SYNE1: variants seen among roughly 807,000 people sequenced by gnomAD.
SYNE1 encodes the protein spectrin repeat containing nuclear envelope protein 1, also known as nesprin-1.
SYNE1 carries 616 observed loss-of-function variants against 1,111.0 expected under a neutral mutation model. The observed-to-expected ratio is 0.55, with a 90% CI of 0.52 to 0.59. The LOEUF (loss-of-function observed/expected upper bound fraction) is 0.59. Ranked by LOEUF, SYNE1 falls within the 20% of genes least tolerant of loss-of-function variation. SYNE1 has a pLI of 0.00. For missense variants in SYNE1, 10,006 were observed against 10,417.0 expected, an observed-to-expected ratio of 0.96 and a Z score of 1.72; for synonymous variants, 3,855 against 3,825.8, an observed-to-expected ratio of 1.01 and a Z score of -0.28.
At chr6:152,376,665 G>GTAA (rs1442274684) in intron 57 of SYNE1, 107 bp from the exon 58 acceptor site, 2 of 1,553,310 alleles carry the variant, frequency 1.3e-6, no homozygotes, top group African/African-American at 2.7e-5. Context: ...ACCTCACTTA[G>GTAA]TAATATATTT....
At chr6:152,256,535 A>T (rs2090914317) in intron 102 of SYNE1, 99 bp downstream of exon 102, 3 of 1,523,292 alleles carry the variant, frequency 2.0e-6, no homozygotes, top group African/African-American at 2.8e-5. Flanking sequence ...TCTCATGCTC[A>T]GGGGTGGATG....
Position 152,354,896 on chromosome 6 carries a change from A to G in SYNE1, c.10689T>C (p.Gly3563=), listed in dbSNP as rs769630911. The G allele has an allele frequency of 2.5e-6, 4 of 1,613,942 alleles. No homozygotes were observed. The highest frequency in any genetic ancestry group is 3.4e-6 in the Non-Finnish European group (4 of 1,180,026). ...AAGCCCGGTCCTCTGCCTGTGGGAT[A>G]CCTGATGGGATCACATCCTCTCTGG... ...LHTREDVIPS[G]IPQAEDRALE... Residue 3563 remains glycine, a synonymous_variant, in exon 67 of 146, where the codon GGT becomes GGC. Coordinates refer to ENST00000367255, the MANE Select transcript of SYNE1 (RefSeq NM_182961.4).
intron 128 of SYNE1, among the ~76,000 whole-genome samples, chr6:152,186,615 A>G (rs2070152264): frequency 6.8e-6 from 1 of 146,776 alleles, no homozygotes; most frequent in African/African-American, 2.5e-5. Context: ...AGAAAATTAG[A>G]AGGGAAGAAA....
intron 36 of SYNE1, among the ~76,000 whole-genome samples, chr6:152,429,324 A>G (rs757982983): frequency 2.6e-5 from 4 of 152,158 alleles, no homozygotes; most frequent in Admixed American, 1.3e-4. Flanking sequence ...GTCCTCCATT[A>G]TTAACTTAGT....
intron 59 of SYNE1, among the ~76,000 whole-genome samples, chr6:152,370,344 G>A (rs1053166586): frequency 1.3e-4 from 20 of 152,086 alleles, no homozygotes; most frequent in Admixed American, 5.9e-4. Flanking sequence ...ACACACCATA[G>A]TACCTTACAG....
At chr6:152,172,687 G>A (rs2065502752) in intron 130 of SYNE1, among the ~76,000 whole-genome samples, 1 of 152,190 alleles carries the variant, frequency 6.6e-6, no homozygotes, top group Non-Finnish European at 1.5e-5. Flanking sequence ...CAAAACGAGA[G>A]CCAGTATTCT....
intron 41 of SYNE1, among the ~76,000 whole-genome samples, chr6:152,416,139 AG>A (rs1418740373): frequency 1.3e-5 from 2 of 152,244 alleles, no homozygotes; most frequent in Admixed American, 1.3e-4. Context: ...ACCTAAGACA[AG>A]GTGAACATAG....
Position 152,206,176 on chromosome 6 carries a change from A to G in SYNE1, c.23011T>C (p.Leu7671=). Reference sequence around the variant, plus strand: ...TTTCTAACTGAACTTACTTTCAACAAGAAGGCTAGTTTTTTCTTCTGTTCT... The same window carrying G: ...TTTCTAACTGAACTTACTTTCAACAGGAAGGCTAGTTTTTTCTTCTGTTCT... The part of the protein sequence containing the change: ...LEEQKKKLAF[L]LKDWEKCEKG... The change falls in exon 126 of 146, where the codon TTG becomes CTG. Residue 7671 remains leucine (L), a synonymous_variant. Coordinates refer to ENST00000367255, the MANE Select transcript of SYNE1 (RefSeq NM_182961.4). 1 of 1,613,508 alleles carries G rather than the reference A, an allele frequency of 6.2e-7. No homozygotes were observed. Among genetic ancestry groups the G allele is most frequent in the Non-Finnish European group, 8.5e-7 (1 of 1,179,996 alleles).
At position 152,139,983 on chromosome 6, in the gene SYNE1, G is replaced by A; in HGVS notation, c.25425C>T (p.Ile8475=). ...TTTTGATCTGGAGCTCGATGGTCTG[G>A]ATGTCAGTGCTGAGTTCCAGACGCT... ...QLQRLELSTD[I]QTIELQIKKL... The change falls in exon 140 of 146, where the codon ATC becomes ATT. Residue 8475 remains isoleucine (I), a synonymous_variant. Transcript: ENST00000367255. 2 of 1,614,050 alleles carry A rather than the reference G, an allele frequency of 1.2e-6. No homozygotes were observed. Among genetic ancestry groups the A allele is most frequent in the East Asian group, 4.5e-5 (2 of 44,876 alleles).
chr6:152,396,891 T>C lies in SYNE1; in HGVS notation c.7440A>G (p.Gln2480=). The change falls in exon 50 of 146, where the codon CAA becomes CAG. Residue 2480 remains glutamine (Q), a synonymous_variant. Coordinates refer to ENST00000367255, the MANE Select transcript of SYNE1 (RefSeq NM_182961.4). ...TTTGTTCTTGAATGCTACTGACAAT[T>C]TGTTTAGACAAATGTGCATACAAAG... ...GQTLYAHLSK[Q]IVSSIQEQIT... is the part of the protein sequence containing the mutation. The C allele has an allele frequency of 6.2e-7, 1 of 1,614,212 alleles. No homozygotes were observed. Among genetic ancestry groups the C allele is most frequent in the Non-Finnish European group, 8.5e-7 (1 of 1,180,030 alleles).
intron 41 of SYNE1, among the ~76,000 whole-genome samples, chr6:152,415,255 G>T (rs1378993695): frequency 1.3e-5 from 2 of 152,156 alleles, no homozygotes; most frequent in Non-Finnish European, 2.9e-5. Flanking sequence ...ACTTATCTTT[G>T]ACCCGTTTGC....
rs2098641464 is a variant in SYNE1, at chr6:152,450,790, C to G, written c.3230G>C (p.Arg1077Thr). 4 of 1,613,972 alleles carry G rather than the reference C, an allele frequency of 2.5e-6. No homozygotes were observed. The highest frequency in any genetic ancestry group is 2.5e-6 in the Non-Finnish European group (3 of 1,180,038). Reference sequence around the variant, plus strand: ...ACAGAGTTCCTCGATGAGCTGTAACCTTTTCTCACAGAGATGATGAGGACC... The same window carrying G: ...ACAGAGTTCCTCGATGAGCTGTAACGTTTTCTCACAGAGATGATGAGGACC... ...DKGPHHLCEK[R>T]LQLIEELCVK... The change falls in exon 27 of 146, where the codon AGG becomes ACG. Residue 1077 changes from arginine to threonine, a missense_variant. Coordinates refer to ENST00000367255, the MANE Select transcript of SYNE1 (RefSeq NM_182961.4).
intron 93 of SYNE1, 57 bp downstream of exon 93, chr6:152,300,584 A>G (rs1303287788): frequency 1.2e-6 from 2 of 1,611,088 alleles, no homozygotes; most frequent in African/African-American, 2.7e-5. Context: ...GAAACAGAGA[A>G]TGGAGTCCTG....
rs35686213 is a variant in SYNE1 at position 152,218,380 on chromosome 6, G to A, written c.22068C>T (p.Thr7356=). Residue 7356 remains threonine (T), a synonymous_variant, in exon 121 of 146, where the codon ACC becomes ACT. Transcript: ENST00000367255. ...CCAAAGCTTCTAAACTCTTGGCAAA[G>A]GTTTCATAATCAAGAACTCCAGCCT... ...SLQAGVLDYE[T]FAKSLEALEA... 1.5e-3 allele frequency: 2,470 copies of A among 1,613,228 alleles called. 5 individuals are homozygous for A. The highest frequency in any genetic ancestry group is 1.8e-3 in the Non-Finnish European group (2,181 of 1,179,820).
intron 3 of SYNE1, among the ~76,000 whole-genome samples, chr6:152,587,173 C>T (rs2099542579): frequency 6.6e-6 from 1 of 152,182 alleles, no homozygotes; most frequent in African/African-American, 2.4e-5. Context: ...AGAGATACTC[C>T]TATCCTAAAG....
intron 93 of SYNE1, among the ~76,000 whole-genome samples, chr6:152,295,115 C>T (rs1002626329): frequency 6.6e-6 from 1 of 152,200 alleles, no homozygotes; most frequent in African/African-American, 2.4e-5. Flanking sequence ...AGCTGAGATT[C>T]TAGCGAAATT....
chr6:152,248,622 C>A (rs565925013), intron 105 of SYNE1, among the ~76,000 whole-genome samples: 1 of 152,270 alleles, frequency 6.6e-6, no homozygotes, highest in East Asian at 1.9e-4. Flanking sequence ...ATCTTAAATT[C>A]AGCTAAAATA....
intron 39 of SYNE1, among the ~76,000 whole-genome samples, chr6:152,420,150 CT>C (rs1390196202): frequency 1.3e-5 from 2 of 152,164 alleles, no homozygotes; most frequent in Admixed American, 1.3e-4. Context: ...TAGCCTATGA[CT>C]TTTGTCATCC....
At chr6:152,310,317 T>C in intron 89 of SYNE1, 79 bp downstream of exon 89, 2 of 1,574,054 alleles carry the variant, frequency 1.3e-6, no homozygotes, top group Non-Finnish European at 1.7e-6. Context: ...GTGTTGAGTT[T>C]AGGAGGCATT....
Sources: gnomAD v4.1 joint callset for allele counts (sites outside exome capture counted in the v4.1 genomes callset) on GRCh38, gnomAD v4.1.1 for gene constraint, MANE v1.5 for transcripts, NCBI Gene and HGNC (gene_info 2026-07-23, HGNC 2026-07-21) for gene names.